KIF21A: variants seen among roughly 807,000 people sequenced by gnomAD.
The protein encoded by KIF21A is kinesin-like protein KIF21A.
A neutral mutation model predicts 202.9 loss-of-function variants in KIF21A; 114 were observed. The observed-to-expected ratio is 0.56, with a 90% CI of 0.48 to 0.66. The LOEUF (loss-of-function observed/expected upper bound fraction) is 0.66, where lower values mean the gene tolerates loss of function less well. Among genes scored for constraint, KIF21A ranks in the 30% least tolerant of loss-of-function variants. The pLI is 0.00. For synonymous variants in KIF21A, 667 were observed against 670.8 expected (o/e 0.99, Z 0.09); for missense variants, 1,677 against 1,994.9 (o/e 0.84, Z 3.04).
At chr12:39,341,165 AC>A in intron 14 of KIF21A, 71 bp from the exon 15 acceptor site, 1 of 1,176,518 alleles carries the variant, frequency 8.5e-7, no homozygotes, top group Non-Finnish European at 1.2e-6. Flanking sequence ...TTTCAAGCAG[AC>A]CATAAAAACC....
chr12:39,390,269 G>C (rs1451819996), intron 1 of KIF21A, among the ~76,000 whole-genome samples: 1 of 152,132 alleles, frequency 6.6e-6, no homozygotes, highest in Non-Finnish European at 1.5e-5. Context: ...CAAAGTATGA[G>C]TATTCAGATC....
At chr12:39,385,879 T>C (rs1354841352) in intron 1 of KIF21A, among the ~76,000 whole-genome samples, 2 of 152,140 alleles carry the variant, frequency 1.3e-5, no homozygotes, top group Non-Finnish European at 2.9e-5. Context: ...ACCAAATTAT[T>C]ACAAAGGCAG....
Position 39,369,848 on chromosome 12 carries a change from G to A in KIF21A, c.331C>T (p.Leu111=), listed in dbSNP as rs1262514312. ...GFDVNIVEEE[L]GIISRAVKHL... is the part of the protein sequence containing the mutation. The stretch of plus-strand genomic sequence containing the variant: ...TTAACAGCTCGAGAAATAATACCCA[G>A]TTCTTCCTCAACAATGTTAACATCA... Residue 111 remains leucine (L), a synonymous_variant, in exon 3 of 38, where the codon CTG becomes TTG. Transcript: ENST00000361418. 6.2e-7 allele frequency: 1 copy of A among 1,612,972 alleles called. No individual in the cohort carries two copies. Among genetic ancestry groups the A allele is most frequent in the Non-Finnish European group, 8.5e-7 (1 of 1,179,254 alleles).
intron 1 of KIF21A, among the ~76,000 whole-genome samples, chr12:39,396,515 T>A (rs930424395): frequency 2.0e-5 from 3 of 152,226 alleles, no homozygotes; most frequent in African/African-American, 4.8e-5. Context: ...GGAAGCATAA[T>A]GTTTTCCTCA....
chr12:39,350,252 C>T lies in KIF21A; in HGVS notation c.1673+1525G>A, dbSNP rs930209280. Among the ~76,000 whole-genome samples, 6 of 151,682 alleles carry T rather than the reference C, an allele frequency of 4.0e-5. No individual in the cohort carries two copies. In the East Asian group the frequency reaches 5.8e-4, roughly 15 times the overall value. On this transcript the variant is annotated intron_variant, in intron 11 of 37. Coordinates refer to ENST00000361418, the MANE Select transcript of KIF21A (RefSeq NM_001173464.2). ...ACATAATCACTGAATTAGTCACAAC[C>T]GCTATTAAAATGTTAAAAACAGCCT...
In KIF21A at chr12:39,332,585, C is replaced by T. The variant is rs760942676; in HGVS notation, c.2856+6G>A. 1.2e-6 allele frequency: 2 copies of T among 1,602,906 alleles called. No homozygotes were observed. The highest frequency in any genetic ancestry group is 1.7e-6 in the Non-Finnish European group (2 of 1,177,530). ...GGGGAGCGTATCTACTCTCTATTTT[C>T]CACACCTTGAGGAGTCTATTCATAT... On this transcript the variant is annotated splice_donor_region_variant and intron_variant, in intron 20 of 37. Transcript: ENST00000361418.
At chr12:39,336,552 C>A (rs1946990012) in intron 17 of KIF21A, among the ~76,000 whole-genome samples, 1 of 152,050 alleles carries the variant, frequency 6.6e-6, no homozygotes, top group Non-Finnish European at 1.5e-5. Context: ...ACTTTTTTCA[C>A]AATTACAAAG....
chr12:39,304,368 C>T (rs1465606314), intron 35 of KIF21A, among the ~76,000 whole-genome samples: 1 of 152,230 alleles, frequency 6.6e-6, no homozygotes, highest in Non-Finnish European at 1.5e-5. Flanking sequence ...CATCTCTAGT[C>T]ACAACTTATT....
chr12:39,425,627 T>C (rs1000597204), intron 1 of KIF21A, among the ~76,000 whole-genome samples: 2 of 152,180 alleles, frequency 1.3e-5, no homozygotes, highest in African/African-American at 4.8e-5. Context: ...TACTGTCATA[T>C]AATATAAATT....
At position 39,441,129 on chromosome 12, in the gene KIF21A, T is replaced by C. The variant is rs368790269; in HGVS notation, c.44+1798A>G. Among the ~76,000 whole-genome samples the C allele has an allele frequency of 3.3e-5, 5 of 152,186 alleles. No homozygotes were observed. The South Asian group carries it at 6.2e-4, about 19-fold the overall frequency. ...TTACAATATGGCTTACTAAGTTATG[T>C]TGAAGTTTTTATAAAGCCTTTCCCC... On this transcript the variant is annotated intron_variant, in intron 1 of 37. Transcript: ENST00000361418.
chr12:39,364,081 T>G lies in KIF21A; in HGVS notation c.904-868A>C, dbSNP rs1036464215. ...TCCAATTATTTAAAAACTAGTCAAATTACAGAACTCTGTAGTCACTCCTGC... is the reference window on the plus strand; with the variant it reads ...TCCAATTATTTAAAAACTAGTCAAAGTACAGAACTCTGTAGTCACTCCTGC... On this transcript the variant is annotated intron_variant, in intron 6 of 37. Transcript: ENST00000361418. 3.3e-5 allele frequency among the ~76,000 whole-genome samples: 5 copies of G among 152,298 alleles called. No homozygotes were observed. In the East Asian group the frequency reaches 7.7e-4, roughly 23 times the overall value.
chr12:39,429,835 A>T (rs1450036964), intron 1 of KIF21A, among the ~76,000 whole-genome samples: 3 of 152,078 alleles, frequency 2.0e-5, no homozygotes, highest in African/African-American at 7.2e-5. Flanking sequence ...AAAGAGGAAA[A>T]CAGCAGATAG....
intron 31 of KIF21A, chr12:39,312,026 G>C: frequency 6.5e-6 from 1 of 153,868 alleles, no homozygotes; most frequent in South Asian, 2.0e-4. Context: ...ATTGAAGATA[G>C]GAATAATTGA....
At chr12:39,351,080 G>T (rs1436436004) in intron 11 of KIF21A, among the ~76,000 whole-genome samples, 1 of 152,028 alleles carries the variant, frequency 6.6e-6, no homozygotes, top group Non-Finnish European at 1.5e-5. Context: ...AACATGTAAA[G>T]AATTTATGAG....
intron 24 of KIF21A, among the ~76,000 whole-genome samples, chr12:39,327,414 G>A (rs549454408): frequency 2.6e-4 from 39 of 152,246 alleles, no homozygotes; most frequent in Admixed American, 9.2e-4. Context: ...GGAGGCTCAA[G>A]GACTTGCTTC....
intron 1 of KIF21A, among the ~76,000 whole-genome samples, chr12:39,440,314 T>C (rs1199466948): frequency 1.3e-5 from 2 of 152,248 alleles, no homozygotes; most frequent in African/African-American, 2.4e-5. Context: ...GGTTAAGAAC[T>C]TGGGCTACTG....
intron 9 of KIF21A, among the ~76,000 whole-genome samples, 157 bp downstream of exon 9, chr12:39,357,091 A>G (rs572314860): frequency 2.0e-5 from 3 of 152,350 alleles, no homozygotes; most frequent in Admixed American, 1.3e-4. Flanking sequence ...ATAAGAATTT[A>G]TTATTTTTTG....
At chr12:39,374,482 T>C (rs934143866) in intron 1 of KIF21A, among the ~76,000 whole-genome samples, 9 of 152,166 alleles carry the variant, frequency 5.9e-5, no homozygotes, top group Non-Finnish European at 1.2e-4. Context: ...AAATGTATTA[T>C]TCTACAACTA....
intron 11 of KIF21A, among the ~76,000 whole-genome samples, chr12:39,347,520 T>C (rs1948004305): frequency 6.6e-6 from 1 of 152,012 alleles, no homozygotes; most frequent in African/African-American, 2.4e-5. Flanking sequence ...AATGAAGAGA[T>C]TGAATCAGAG....
Sources: allele counts gnomAD v4.1 joint callset (sites outside exome capture counted in the v4.1 genomes callset), GRCh38; gene constraint gnomAD v4.1.1; transcripts MANE v1.5; gene names NCBI Gene and HGNC (gene_info 2026-07-23, HGNC 2026-07-21).